Variants in ZNF385C observed in about 807,000 individuals in gnomAD.
The protein encoded by ZNF385C is CTD-2132N18.2.
Under a neutral mutation model 35.4 loss-of-function variants are expected in ZNF385C, and 28 were observed. The observed-to-expected ratio is 0.79, with a 90% CI of 0.59 to 1.08. The LOEUF is 1.08. ZNF385C is among the 50% of genes least tolerant of loss of function. The pLI is 0.00. For missense variants in ZNF385C, 605 were observed against 595.6 expected, an observed-to-expected ratio of 1.02 and a Z score of -0.16; for synonymous variants, 248 against 248.2, an observed-to-expected ratio of 1.00 and a Z score of 0.01.
chr17:42,081,630 C>G (rs1555659715), intron 1 of ZNF385C, among the ~76,000 whole-genome samples: 1 of 152,188 alleles, frequency 6.6e-6, no homozygotes, highest in Non-Finnish European at 1.5e-5. Context: ...CTCGCCTCAG[C>G]CTTCCAAAGT....
At chr17:42,051,241 A>C (rs782001675) in intron 2 of ZNF385C, among the ~76,000 whole-genome samples, 3 of 151,814 alleles carry the variant, frequency 2.0e-5, no homozygotes, top group Admixed American at 6.6e-5. Flanking sequence ...AGGAGTTGGA[A>C]CTGGGAAGCT....
chr17:42,055,949 G>A (rs1164773598), intron 2 of ZNF385C, among the ~76,000 whole-genome samples: 2 of 152,188 alleles, frequency 1.3e-5, no homozygotes, highest in Non-Finnish European at 2.9e-5. Context: ...CCGCTGGAAG[G>A]CACAGGGACA....
At chr17:42,096,368 C>T (rs1357227009) in intron 1 of ZNF385C, among the ~76,000 whole-genome samples, 2 of 152,214 alleles carry the variant, frequency 1.3e-5, no homozygotes, top group African/African-American at 4.8e-5. Flanking sequence ...AGGGGACTCA[C>T]AGTCTCATCC....
chr17:42,033,891 C>A (rs2052783766), intron 4 of ZNF385C, among the ~76,000 whole-genome samples: 1 of 152,156 alleles, frequency 6.6e-6, no homozygotes, highest in Non-Finnish European at 1.5e-5. Context: ...AGACCAGGAG[C>A]TGATGAGATG....
At chr17:42,063,502 C>T (rs1302100729) in intron 1 of ZNF385C, among the ~76,000 whole-genome samples, 1 of 152,146 alleles carries the variant, frequency 6.6e-6, no homozygotes, top group Non-Finnish European at 1.5e-5. Context: ...TGCACTCCAG[C>T]TTCCACAACA....
intron 7 of ZNF385C, 119 bp downstream of exon 7, chr17:42,027,931 G>T: frequency 7.3e-7 from 1 of 1,365,982 alleles, no homozygotes; most frequent in Non-Finnish European, 1.0e-6. Context: ...TGCTGGCCTC[G>T]CTTCTCCAGC....
At chr17:42,065,866 A>C (rs2143870556) in intron 1 of ZNF385C, among the ~76,000 whole-genome samples, 1 of 152,164 alleles carries the variant, frequency 6.6e-6, no homozygotes, top group South Asian at 2.1e-4. Context: ...CCTGGGTTCA[A>C]ATCTCAGCTC....
At position 42,027,183 on chromosome 17, in the gene ZNF385C, ACC is replaced by A. The variant is rs781835833; in HGVS notation, c.1276-52_1276-51del. On this transcript the variant is annotated intron_variant, in intron 8 of 8. Coordinates refer to ENST00000692273, the MANE Select transcript of ZNF385C (RefSeq NM_001392013.1). ...CACAGTCTCCACCCCAGAAAACCCCACCCCCTCCCTGGGGCCCATCCTCAAGC... is the reference window on the plus strand; with the variant it reads ...CACAGTCTCCACCCCAGAAAACCCCACCCTCCCTGGGGCCCATCCTCAAGC... 3 of 1,506,008 alleles carry A rather than the reference ACC, an allele frequency of 2.0e-6. No individual in the cohort carries two copies. The South Asian group carries it at 3.4e-5, about 17-fold the overall frequency. 93.3% of individuals were successfully genotyped at this position (1,506,008 alleles called of 1,614,324 possible). A position where few individuals can be genotyped will look rare whatever the true frequency, so the allele number is the denominator to read the frequency against.
At chr17:42,075,776 G>T (rs1249598717) in intron 1 of ZNF385C, among the ~76,000 whole-genome samples, 1 of 152,198 alleles carries the variant, frequency 6.6e-6, no homozygotes, top group Non-Finnish European at 1.5e-5. Flanking sequence ...TTACAGGCGT[G>T]AGCCACTGTG....
intron 2 of ZNF385C, among the ~76,000 whole-genome samples, chr17:42,059,482 C>T (rs967995819): frequency 2.0e-5 from 3 of 152,176 alleles, no homozygotes; most frequent in African/African-American, 4.8e-5. Context: ...GGTGCCCCCA[C>T]GCCCCCGTTC....
intron 2 of ZNF385C, among the ~76,000 whole-genome samples, chr17:42,059,072 G>A (rs2053422686): frequency 6.6e-6 from 1 of 152,184 alleles, no homozygotes; most frequent in South Asian, 2.1e-4. Flanking sequence ...ATGGCCCAGG[G>A]CAGGCCCAGA....
intron 3 of ZNF385C, among the ~76,000 whole-genome samples, chr17:42,034,784 CAAA>C (rs71357525): frequency 1.6e-5 from 1 of 64,148 alleles, no homozygotes; most frequent in Non-Finnish European, 3.5e-5. Context: ...AACTTCGTCT[CAAA>C]AAAAAAAAAA....
At chr17:42,027,562 AG>A in intron 8 of ZNF385C, 55 bp downstream of exon 8, 4 of 150,448 alleles carry the variant, frequency 2.7e-5, no homozygotes, top group South Asian at 1.7e-4. Flanking sequence ...TGGCCCTCCC[AG>A]CCCACCCTCT....
chr17:42,043,241 G>A (rs1401741746), intron 2 of ZNF385C: 11 of 1,232,136 alleles, frequency 8.9e-6, no homozygotes, highest in Non-Finnish European at 1.1e-5. Context: ...CGGCACTCGA[G>A]GCAGAACATC....
At chr17:42,040,164 G>A in intron 2 of ZNF385C, 2 of 1,231,584 alleles carry the variant, frequency 1.6e-6, no homozygotes, top group Non-Finnish European at 2.0e-6. Context: ...GGTAGCGTCG[G>A]GGGTCGAAGA....
intron 1 of ZNF385C, among the ~76,000 whole-genome samples, chr17:42,085,478 G>T (rs1422153161): frequency 3.3e-5 from 5 of 150,918 alleles, no homozygotes; most frequent in African/African-American, 1.2e-4. Context: ...TAGAGACAGG[G>T]TTTCGCCATG....
chr17:42,037,669 C>T (rs1555655605), intron 3 of ZNF385C, 68 bp downstream of exon 3: 19 of 1,451,544 alleles, frequency 1.3e-5, no homozygotes, highest in Non-Finnish European at 1.7e-5. Flanking sequence ...GCTGGACCCT[C>T]TGAACCCACC....
Position 42,027,725 on chromosome 17 carries a change from T to G in ZNF385C, c.1168A>C (p.Met390Leu), listed in dbSNP as rs782077036. 1.2e-6 allele frequency: 2 copies of G among 1,612,366 alleles called. No homozygotes were observed. Among genetic ancestry groups the G allele is most frequent in the Admixed American group, 3.4e-5 (2 of 59,356 alleles). Residue 390 changes from methionine to leucine, a missense_variant, in exon 8 of 9, where the codon ATG becomes CTG. Coordinates refer to ENST00000692273, the MANE Select transcript of ZNF385C (RefSeq NM_001392013.1). ...CGGTCTTTGTGCCTCCTGCTGCTCA[T>G]GTGCTAATGGACAGACAGACAGACT... ...VNSETQLKQH[M>L]SSRRHKDRLA... is the part of the protein sequence containing the mutation.
intron 1 of ZNF385C, among the ~76,000 whole-genome samples, chr17:42,066,811 G>C (rs369905640): frequency 3.3e-5 from 5 of 152,262 alleles, no homozygotes; most frequent in African/African-American, 1.2e-4. Flanking sequence ...GCTCACGCCT[G>C]TAATCCCAGC....
Sources: allele counts gnomAD v4.1 joint callset (sites outside exome capture counted in the v4.1 genomes callset), GRCh38; gene constraint gnomAD v4.1.1; transcripts MANE v1.5; gene names NCBI Gene and HGNC (gene_info 2026-07-23, HGNC 2026-07-21).